CTNNA2: variants seen among roughly 807,000 people sequenced by gnomAD.
CTNNA2 encodes the protein catenin alpha 2, also known as catenin alpha-2.
Under a neutral mutation model 101.0 loss-of-function variants are expected in CTNNA2, and 42 were observed. The ratio of observed to expected loss-of-function variants is 0.42; its 90% CI spans 0.32 to 0.54. The LOEUF (loss-of-function observed/expected upper bound fraction) is 0.54. Ranked by LOEUF, CTNNA2 falls within the 20% of genes least tolerant of loss-of-function variation. The probability of loss-of-function intolerance (pLI) is 0.14; values close to 1 mark genes in which losing one functional copy is unlikely to be tolerated. For synonymous variants in CTNNA2, 450 were observed against 456.4 expected, an observed-to-expected ratio of 0.99 and a Z score of 0.18; for missense variants, 871 against 1,223.1, an observed-to-expected ratio of 0.71 and a Z score of 4.29.
intron 3 of CTNNA2, among the ~76,000 whole-genome samples, chr2:79,761,084 AAC>A (rs1421621808): frequency 2.0e-5 from 3 of 152,250 alleles, no homozygotes; most frequent in Non-Finnish European, 4.4e-5. Context: ...GAAAACAAGA[AAC>A]ATTTTTTAAA....
At chr2:79,777,820 G>T (rs1675414587) in intron 3 of CTNNA2, among the ~76,000 whole-genome samples, 1 of 151,700 alleles carries the variant, frequency 6.6e-6, no homozygotes, top group African/African-American at 2.4e-5. Context: ...CCAGGACAGG[G>T]TGAATAGATA....
chr2:79,791,966 C>A (rs527286679), intron 3 of CTNNA2, among the ~76,000 whole-genome samples: 3 of 152,118 alleles, frequency 2.0e-5, no homozygotes, highest in African/African-American at 7.2e-5. Context: ...CTCCTGCATT[C>A]GTAATTGAAT....
At chr2:79,301,852 G>T (rs1334226824) in intron 2 of CTNNA2, among the ~76,000 whole-genome samples, 1 of 152,174 alleles carries the variant, frequency 6.6e-6, no homozygotes, top group East Asian at 1.9e-4. Flanking sequence ...GCTTTGGGAG[G>T]CTGAGGCGGG....
chr2:80,061,356 A>G (rs188762841), intron 7 of CTNNA2, among the ~76,000 whole-genome samples: 2 of 152,346 alleles, frequency 1.3e-5, no homozygotes, highest in East Asian at 3.9e-4. Flanking sequence ...TTCAGGAAGA[A>G]CTACTCCTAA....
chr2:80,304,037 G>T, intron 7 of CTNNA2: 1 of 464,074 alleles, frequency 2.2e-6, no homozygotes, highest in Non-Finnish European at 3.7e-6. Context: ...AAAGTTCACA[G>T]CCACGGAAAG....
intron 3 of CTNNA2, among the ~76,000 whole-genome samples, chr2:79,849,471 A>G (rs1344655479): frequency 6.6e-6 from 1 of 152,128 alleles, no homozygotes; most frequent in Non-Finnish European, 1.5e-5. Context: ...TTGAGAAAAG[A>G]CAGGACTTCA....
At chr2:80,014,211 A>C (rs1693979374) in intron 7 of CTNNA2, among the ~76,000 whole-genome samples, 1 of 152,120 alleles carries the variant, frequency 6.6e-6, no homozygotes, top group East Asian at 1.9e-4. Context: ...TCTTTTAATA[A>C]TCATTTTTAT....
chr2:80,337,562 T>C (rs192900092), intron 7 of CTNNA2, among the ~76,000 whole-genome samples: 19 of 143,284 alleles, frequency 1.3e-4, no homozygotes, highest in African/African-American at 4.7e-4. Context: ...CCACACTCCC[T>C]TCACAAGCTC....
intron 7 of CTNNA2, among the ~76,000 whole-genome samples, chr2:80,213,464 A>G (rs370967118): frequency 6.6e-6 from 1 of 152,000 alleles, no homozygotes; most frequent in Admixed American, 6.6e-5. Flanking sequence ...CCTTCATTTC[A>G]TTATGTACCC....
intron 9 of CTNNA2, among the ~76,000 whole-genome samples, chr2:80,451,851 T>C (rs1683536634): frequency 6.6e-6 from 1 of 152,064 alleles, no homozygotes; most frequent in Admixed American, 6.6e-5. Context: ...AGTTTCTCAG[T>C]CCAACATTTA....
intron 7 of CTNNA2, among the ~76,000 whole-genome samples, chr2:80,243,359 T>C (rs1209565987): frequency 2.0e-5 from 3 of 152,152 alleles, no homozygotes; most frequent in African/African-American, 7.2e-5. Flanking sequence ...GAGATAATCA[T>C]TTCCATCAAG....
intron 4 of CTNNA2, among the ~76,000 whole-genome samples, chr2:79,861,748 G>A (rs1345150590): frequency 6.6e-6 from 1 of 152,090 alleles, no homozygotes; most frequent in African/African-American, 2.4e-5. Flanking sequence ...AAATTCAGGA[G>A]GATAGAGATA....
chr2:79,563,815 A>T (rs1674941463), intron 1 of CTNNA2, among the ~76,000 whole-genome samples: 3 of 152,290 alleles, frequency 2.0e-5, no homozygotes, highest in South Asian at 4.1e-4. Context: ...TGGAAAAAAC[A>T]TACTTTGCTA....
chr2:79,711,904 T>G (rs1201012756), intron 2 of CTNNA2, among the ~76,000 whole-genome samples: 1 of 152,192 alleles, frequency 6.6e-6, no homozygotes, highest in Non-Finnish European at 1.5e-5. Context: ...GGATCATTAT[T>G]CTTTGAATTT....
intron 3 of CTNNA2, among the ~76,000 whole-genome samples, chr2:79,826,017 G>T (rs1678408779): frequency 6.6e-6 from 1 of 152,044 alleles, no homozygotes. Context: ...TTTTGTTTGG[G>T]TCTCATAGAC....
intron 3 of CTNNA2, among the ~76,000 whole-genome samples, chr2:79,344,076 G>A (rs1573100842): frequency 1.3e-5 from 2 of 152,026 alleles, no homozygotes; most frequent in African/African-American, 4.8e-5. Flanking sequence ...CCAGTCCTGG[G>A]CAGCCACTTT....
chr2:80,243,181 G>T (rs571038770), intron 7 of CTNNA2, among the ~76,000 whole-genome samples: 2 of 152,156 alleles, frequency 1.3e-5, no homozygotes, highest in South Asian at 2.1e-4. Flanking sequence ...AACATTATGG[G>T]GGTCATCCCA....
chr2:80,140,875 CA>C (rs1425259932), intron 7 of CTNNA2, among the ~76,000 whole-genome samples: 1 of 152,038 alleles, frequency 6.6e-6, no homozygotes, highest in Non-Finnish European at 1.5e-5. Flanking sequence ...GGACCCTTGT[CA>C]GATGCTTGAT....
chr2:80,631,480 A>C (rs1558661692), intron 18 of CTNNA2, among the ~76,000 whole-genome samples: 1 of 152,008 alleles, frequency 6.6e-6, no homozygotes, highest in Non-Finnish European at 1.5e-5. Context: ...GCAAGGGAAC[A>C]GACAATATGT....
Sources: allele counts gnomAD v4.1 joint callset (sites outside exome capture counted in the v4.1 genomes callset), GRCh38; gene constraint gnomAD v4.1.1; transcripts MANE v1.5; gene names NCBI Gene and HGNC (gene_info 2026-07-23, HGNC 2026-07-21).